Variants in ARHGEF12 observed in about 807,000 individuals in gnomAD.
The protein encoded by ARHGEF12 is KMT2A/ARHGEF12 fusion protein.
Under a neutral mutation model 211.2 loss-of-function variants are expected in ARHGEF12, and 66 were observed. The observed-to-expected ratio is 0.31, with a 90% CI of 0.26 to 0.38. ARHGEF12 has a LOEUF of 0.38. Among genes scored for constraint, ARHGEF12 ranks in the 10% least tolerant of loss-of-function variants. The pLI is 1.00. For missense variants in ARHGEF12, 1,429 were observed against 1,869.5 expected (o/e 0.76, Z 4.34); for synonymous variants, 592 against 638.4 (o/e 0.93, Z 1.09).
rs150006800 is a variant in ARHGEF12 at position 120,439,877 on chromosome 11, A to T, written c.1000-252A>T. ...AGTGTATAGTGAGCAAAGGATATTT[A>T]CTGTTTCCAAGGGGAGTGGTTTTTT... On this transcript the variant is annotated intron_variant, in intron 12 of 40. Transcript: ENST00000397843. 9.4e-6 allele frequency: 4 copies of T among 425,630 alleles called. No individual in the cohort carries two copies. In the East Asian group the frequency reaches 1.7e-4, roughly 18 times the overall value. 26.4% of individuals were successfully genotyped at this position (425,630 alleles called of 1,614,324 possible). A position where few individuals can be genotyped will look rare whatever the true frequency, so the allele number is the denominator to read the frequency against.
At chr11:120,430,518 A>G (rs1157498235) in intron 10 of ARHGEF12, among the ~76,000 whole-genome samples, 1 of 152,224 alleles carries the variant, frequency 6.6e-6, no homozygotes, top group East Asian at 1.9e-4. Context: ...AGAAAAAAAA[A>G]GCTCAGCATT....
chr11:120,467,454 CT>C (rs1565504889), intron 29 of ARHGEF12, 146 bp downstream of exon 29: 4 of 461,120 alleles, frequency 8.7e-6, no homozygotes, highest in East Asian at 3.6e-5. Context: ...TTTTTTTTTC[CT>C]TTTTTGAGAC....
intron 15 of ARHGEF12, among the ~76,000 whole-genome samples, chr11:120,443,225 G>T (rs924107722): frequency 1.2e-4 from 18 of 152,022 alleles, no homozygotes; most frequent in Admixed American, 2.0e-4. Flanking sequence ...TCGCCATGTT[G>T]CCCAGGCTGG....
chr11:120,336,894 C>T lies in ARHGEF12; in HGVS notation c.-350C>T, dbSNP rs989046543. ...CCGACACCCGTCCGTGAGCTGATCC[C>T]GCCCCAGCCCCGGCGGGAGTCCCGG... On this transcript the variant is annotated 5_prime_UTR_variant, in exon 1 of 41. Transcript: ENST00000397843. The T allele has an allele frequency of 9.4e-6, 4 of 423,536 alleles. No individual in the cohort carries two copies. Among genetic ancestry groups the T allele is most frequent in the Non-Finnish European group, 1.2e-5 (3 of 241,204 alleles). The allele number at this position is 423,536 out of a possible 1,614,324, so 26.2% of individuals were successfully genotyped here. A position where few individuals can be genotyped will look rare whatever the true frequency, so the allele number is the denominator to read the frequency against.
chr11:120,443,111 T>A (rs1945933136), intron 15 of ARHGEF12, among the ~76,000 whole-genome samples: 1 of 149,558 alleles, frequency 6.7e-6, no homozygotes, highest in Non-Finnish European at 1.5e-5. Flanking sequence ...AAGCTCTGCC[T>A]CCTGGGCTCA....
chr11:120,401,758 T>G (rs1015185627), intron 1 of ARHGEF12, among the ~76,000 whole-genome samples: 5 of 152,224 alleles, frequency 3.3e-5, no homozygotes, highest in African/African-American at 1.2e-4. Flanking sequence ...GTCTGAGAAG[T>G]TCAAGTATTG....
At chr11:120,338,826 CAAGT>C (rs1236364804) in intron 1 of ARHGEF12, among the ~76,000 whole-genome samples, 1 of 152,158 alleles carries the variant, frequency 6.6e-6, no homozygotes, top group African/African-American at 2.4e-5. Context: ...ATTCCACACA[CAAGT>C]GAGTGAAAAG....
intron 1 of ARHGEF12, among the ~76,000 whole-genome samples, chr11:120,402,210 T>C (rs1036353458): frequency 6.6e-6 from 1 of 152,210 alleles, no homozygotes; most frequent in Non-Finnish European, 1.5e-5. Context: ...GGAATTTTCA[T>C]TTATAGCAAT....
At position 120,487,086 on chromosome 11, in the gene ARHGEF12, CTAACACCATCGAGGGCAAT is replaced by C. The variant is rs1947415107; in HGVS notation, c.*2013_*2031del. 4.6e-6 allele frequency: 1 copy of C among 217,612 alleles called. No homozygotes were observed. 13.5% of individuals were successfully genotyped at this position (217,612 alleles called of 1,614,324 possible). A position where few individuals can be genotyped will look rare whatever the true frequency, so the allele number is the denominator to read the frequency against. ...GGGTTACACCTGTAGCCACTTGACA[CTAACACCATCGAGGGCAAT>C]TAATCAGGAGAAAAGTAAATATAAA... On this transcript the variant is annotated 3_prime_UTR_variant, in exon 41 of 41. Transcript: ENST00000397843.
chr11:120,401,378 A>T (rs1185980849), intron 1 of ARHGEF12, among the ~76,000 whole-genome samples: 1 of 152,234 alleles, frequency 6.6e-6, no homozygotes, highest in African/African-American at 2.4e-5. Context: ...CTAAATCCCT[A>T]TACTTAAGAG....
intron 1 of ARHGEF12, among the ~76,000 whole-genome samples, chr11:120,388,663 G>A (rs1350558031): frequency 6.6e-6 from 1 of 152,114 alleles, no homozygotes; most frequent in African/African-American, 2.4e-5. Flanking sequence ...TTTACTGTGT[G>A]TGTGATGGTA....
At chr11:120,358,190 T>C (rs1456952855) in intron 1 of ARHGEF12, among the ~76,000 whole-genome samples, 2 of 152,248 alleles carry the variant, frequency 1.3e-5, no homozygotes, top group Non-Finnish European at 2.9e-5. Flanking sequence ...GAGAAACCAA[T>C]AGTGAGACAT....
intron 1 of ARHGEF12, among the ~76,000 whole-genome samples, chr11:120,394,716 T>A (rs1413755946): frequency 1.3e-5 from 2 of 151,628 alleles, no homozygotes; most frequent in Admixed American, 6.6e-5. Flanking sequence ...ATTACTAATA[T>A]CATAAATGAA....
chr11:120,387,872 G>A lies in ARHGEF12; in HGVS notation c.33-18246G>A, dbSNP rs553271796. On this transcript the variant is annotated intron_variant, in intron 1 of 40. Transcript: ENST00000397843. Reference sequence around the variant, plus strand: ...GATATTTCGTAAGGTATAACATAACGTTTACTGGTAGTTTTGTTTCATTTA... The same window carrying A: ...GATATTTCGTAAGGTATAACATAACATTTACTGGTAGTTTTGTTTCATTTA... Among the ~76,000 whole-genome samples the A allele has an allele frequency of 1.3e-4, 20 of 152,218 alleles. No homozygotes were observed. In the South Asian group the frequency reaches 2.1e-3, roughly 16 times the overall value.
Position 120,454,456 on chromosome 11 carries a change from A to C in ARHGEF12, c.2057-2662A>C, listed in dbSNP as rs115028763. On this transcript the variant is annotated intron_variant, in intron 22 of 40. Transcript: ENST00000397843. ...AGAATAGGGAGCATTCAGAGACAAAATATTTTTAATACAACTATTAAACAC... is the reference window on the plus strand; with the variant it reads ...AGAATAGGGAGCATTCAGAGACAAACTATTTTTAATACAACTATTAAACAC... Among the ~76,000 whole-genome samples the C allele has an allele frequency of 6.1e-3, 930 of 152,340 alleles. 8 individuals are homozygous for C. Among genetic ancestry groups the C allele is most frequent in the African/African-American group, 0.022 (907 of 41,578 alleles).
chr11:120,362,451 C>G (rs1383990632), intron 1 of ARHGEF12, among the ~76,000 whole-genome samples: 2 of 152,102 alleles, frequency 1.3e-5, no homozygotes, highest in African/African-American at 4.8e-5. Flanking sequence ...TCTACTTCGT[C>G]CAGTTGAATT....
intron 4 of ARHGEF12, chr11:120,409,698 C>A: frequency 2.7e-6 from 1 of 370,612 alleles, no homozygotes; most frequent in Non-Finnish European, 4.9e-6. Context: ...CATCTTCTCC[C>A]GTCTTGTTTA....
At chr11:120,418,323 T>C (rs1945088564) in intron 4 of ARHGEF12, among the ~76,000 whole-genome samples, 1 of 152,254 alleles carries the variant, frequency 6.6e-6, no homozygotes, top group Non-Finnish European at 1.5e-5. Context: ...TAGTGTTTAC[T>C]TTCTTACATA....
intron 1 of ARHGEF12, among the ~76,000 whole-genome samples, chr11:120,374,974 C>G (rs1943687872): frequency 6.6e-6 from 1 of 152,116 alleles, no homozygotes; most frequent in Non-Finnish European, 1.5e-5. Context: ...CCCACAAAAT[C>G]TTCAGATTTG....
Sources: allele counts gnomAD v4.1 joint callset (sites outside exome capture counted in the v4.1 genomes callset), GRCh38; gene constraint gnomAD v4.1.1; transcripts MANE v1.5; gene names NCBI Gene and HGNC (gene_info 2026-07-23, HGNC 2026-07-21).